Variants in SLC24A4 observed in about 807,000 individuals in gnomAD.
SLC24A4 encodes the protein solute carrier family 24 member 4, also known as sodium/potassium/calcium exchanger 4.
A neutral mutation model predicts 79.0 loss-of-function variants in SLC24A4; 53 were observed. The observed-to-expected ratio is 0.67, with a 90% confidence interval of 0.54 to 0.84. SLC24A4 has a LOEUF of 0.84. SLC24A4 is among the 40% of genes least tolerant of loss of function. The pLI, the probability that SLC24A4 is intolerant of heterozygous loss-of-function variation, is 0.00. For synonymous variants in SLC24A4, 323 were observed against 323.8 expected (o/e 1.00, Z 0.03); for missense variants, 731 against 822.0 (o/e 0.89, Z 1.35).
At chr14:92,351,236 G>GCGCACACACACACACACACACACA (rs112120101) in intron 2 of SLC24A4, among the ~76,000 whole-genome samples, 2 of 146,986 alleles carry the variant, frequency 1.4e-5, no homozygotes, top group Non-Finnish European at 1.5e-5. Context: ...ACACATACAC[G>GCGCACACACACACACACACACACA]CACACACACA....
intron 2 of SLC24A4, among the ~76,000 whole-genome samples, chr14:92,411,006 A>T (rs2141790888): frequency 6.6e-6 from 1 of 152,258 alleles, no homozygotes; most frequent in East Asian, 1.9e-4. Context: ...ATTAGCATGG[A>T]TTTGAGCACC....
intron 2 of SLC24A4, among the ~76,000 whole-genome samples, chr14:92,415,257 G>C (rs981896784): frequency 2.0e-5 from 3 of 152,120 alleles, no homozygotes; most frequent in South Asian, 2.1e-4. Flanking sequence ...GCATTCCTCG[G>C]CCAGGCTCTC....
chr14:92,437,413 A>G (rs1268300667), intron 3 of SLC24A4, among the ~76,000 whole-genome samples: 1 of 152,226 alleles, frequency 6.6e-6, no homozygotes, highest in Non-Finnish European at 1.5e-5. Context: ...TTCCTGGCAC[A>G]CAGGATGAGC....
At position 92,446,319 on chromosome 14, in the gene SLC24A4, T is replaced by A. The variant is rs187052659; in HGVS notation, c.683+977T>A. Reference sequence around the variant, plus strand: ...ATGCCACCACACCTGTCTAATTTTTTAATTTTTTGTAGAGATGGGGTTTCA... The same window carrying A: ...ATGCCACCACACCTGTCTAATTTTTAAATTTTTTGTAGAGATGGGGTTTCA... On this transcript the variant is annotated intron_variant, in intron 8 of 16. Transcript: ENST00000532405. Among the ~76,000 whole-genome samples, 608 of 152,224 alleles carry A rather than the reference T, an allele frequency of 4.0e-3. 3 individuals carry two copies. The highest frequency in any genetic ancestry group is 7.0e-3 in the Non-Finnish European group (475 of 68,002).
chr14:92,400,195 C>G (rs1890024417), intron 2 of SLC24A4, among the ~76,000 whole-genome samples: 1 of 152,116 alleles, frequency 6.6e-6, no homozygotes, highest in Non-Finnish European at 1.5e-5. Context: ...AATCCCAGCA[C>G]TTTGGGAGGC....
chr14:92,489,595 G>T (rs898540505), intron 14 of SLC24A4, among the ~76,000 whole-genome samples: 4 of 152,016 alleles, frequency 2.6e-5, no homozygotes, highest in African/African-American at 9.7e-5. Context: ...CCCGAGCATC[G>T]GCTTGACCTG....
At chr14:92,401,950 CAGTAAG>C (rs1396381678) in intron 2 of SLC24A4, among the ~76,000 whole-genome samples, 3 of 152,174 alleles carry the variant, frequency 2.0e-5, no homozygotes, top group African/African-American at 2.4e-5. Flanking sequence ...ACACCAATGT[CAGTAAG>C]AGTAAAAGAA....
intron 2 of SLC24A4, among the ~76,000 whole-genome samples, chr14:92,367,239 G>C (rs561455823): frequency 5.3e-5 from 8 of 152,326 alleles, no homozygotes; most frequent in African/African-American, 1.9e-4. Flanking sequence ...GCTGTTCGAG[G>C]CTAGAGACCG....
intron 9 of SLC24A4, among the ~76,000 whole-genome samples, chr14:92,448,848 C>T (rs1892964496): frequency 6.6e-6 from 1 of 152,186 alleles, no homozygotes. Flanking sequence ...CCAGGAAGTC[C>T]ACCACCAGCT....
At chr14:92,384,177 CAG>C (rs1889016551) in intron 2 of SLC24A4, among the ~76,000 whole-genome samples, 1 of 152,056 alleles carries the variant, frequency 6.6e-6, no homozygotes, top group African/African-American at 2.4e-5. Context: ...GCGTGGCAAA[CAG>C]GGTCTTTGGG....
chr14:92,464,809 G>A (rs1443646240), intron 12 of SLC24A4, among the ~76,000 whole-genome samples: 1 of 152,202 alleles, frequency 6.6e-6, no homozygotes, highest in Non-Finnish European at 1.5e-5. Context: ...TAGTGAAGCT[G>A]AAGAAAAGCA....
chr14:92,482,758 G>A lies in SLC24A4; in HGVS notation c.1334G>A (p.Ser445Asn), dbSNP rs780072521. The change falls in exon 13 of 17, where the codon AGC becomes AAC. Residue 445 changes from serine (S) to asparagine (N), a missense_variant. Transcript: ENST00000532405. ...FLLCVTIPNCSKPRWEKFFMV... is the reference protein window; with the variant it reads ...FLLCVTIPNCNKPRWEKFFMV... The stretch of plus-strand genomic sequence containing the variant: ...CTGTGCGTCACCATTCCCAACTGCA[G>A]CAAGCCCCGCTGGGAGAAGTTCTTC... 9.9e-6 allele frequency: 16 copies of A among 1,613,966 alleles called. No individual in the cohort carries two copies. The highest frequency in any genetic ancestry group is 1.4e-5 in the Non-Finnish European group (16 of 1,180,016).
rs1397899743 is a variant in SLC24A4, at chr14:92,441,722, CAT to C, written c.394-366_394-365del. On this transcript the variant is annotated intron_variant, in intron 4 of 16. Coordinates refer to ENST00000532405, the MANE Select transcript of SLC24A4 (RefSeq NM_153646.4). The surrounding 1 kb of genome is among the most constrained non-coding windows in gnomAD (Gnocchi z 4.6). The stretch of plus-strand genomic sequence containing the variant: ...GGCAAGCGTGTGGACCACAAACCCT[CAT>C]GTGAAATTCACGTTTCAGTAACAGC... Among the ~76,000 whole-genome samples, 1 of 152,384 alleles carries C rather than the reference CAT, an allele frequency of 6.6e-6. No homozygotes were observed. Among genetic ancestry groups the C allele is most frequent in the East Asian group, 1.9e-4 (1 of 5,182 alleles).
intron 2 of SLC24A4, among the ~76,000 whole-genome samples, chr14:92,427,896 C>T (rs552487855): frequency 2.0e-5 from 3 of 152,216 alleles, no homozygotes; most frequent in South Asian, 2.1e-4. Flanking sequence ...TTGGGCTTAG[C>T]GCCCTTATAA....
At chr14:92,333,079 T>C (rs1885569199) in intron 2 of SLC24A4, among the ~76,000 whole-genome samples, 1 of 152,204 alleles carries the variant, frequency 6.6e-6, no homozygotes, top group South Asian at 2.1e-4. Flanking sequence ...ACACTGCCTT[T>C]ATCCCCAACT....
intron 3 of SLC24A4, among the ~76,000 whole-genome samples, chr14:92,437,752 C>A (rs1040443425): frequency 6.6e-5 from 10 of 152,100 alleles, no homozygotes; most frequent in African/African-American, 2.4e-4. Flanking sequence ...CACTTTAGTG[C>A]CTTCCCTAAA....
intron 2 of SLC24A4, among the ~76,000 whole-genome samples, chr14:92,351,915 G>GAAGGAAAGGAAAGGAAAGGA: frequency 7.1e-6 from 1 of 140,388 alleles, no homozygotes; most frequent in Non-Finnish European, 1.5e-5. Context: ...GGAAGGAAAG[G>GAAGGAAAGGAAAGGAAAGGA]AAGGAAAGGA....
intron 2 of SLC24A4, among the ~76,000 whole-genome samples, chr14:92,407,256 T>G (rs1297457730): frequency 1.3e-5 from 2 of 152,250 alleles, no homozygotes; most frequent in Non-Finnish European, 2.9e-5. Flanking sequence ...CTGAACTTCA[T>G]TGTGCATGTC....
intron 12 of SLC24A4, among the ~76,000 whole-genome samples, chr14:92,474,115 G>C (rs776988416): frequency 6.6e-6 from 1 of 152,154 alleles, no homozygotes; most frequent in Non-Finnish European, 1.5e-5. Flanking sequence ...CTGGTCTCTT[G>C]GCATAAGTTC....
Sources: gnomAD v4.1 joint callset for allele counts (sites outside exome capture counted in the v4.1 genomes callset) on GRCh38, gnomAD v4.1.1 for gene constraint, Gnocchi (gnomAD v3.1) non-coding constraint, MANE v1.5 for transcripts, NCBI Gene and HGNC (gene_info 2026-07-23, HGNC 2026-07-21) for gene names.